The following PDZRN4 variants were observed in gnomAD, a reference collection of about 807,000 sequenced individuals.
PDZRN4 encodes the protein PDZ domain-containing RING finger protein 4.
Under a neutral mutation model 99.0 loss-of-function variants are expected in PDZRN4, and 70 were observed. That is an observed-to-expected ratio of 0.71 (90% CI 0.58 to 0.86). The LOEUF is 0.86. Among genes scored for constraint, PDZRN4 ranks in the 40% least tolerant of loss-of-function variants. PDZRN4 has a pLI of 0.00. For synonymous variants in PDZRN4, 551 were observed against 501.6 expected (o/e 1.10, Z -1.32); for missense variants, 1,474 against 1,331.2 (o/e 1.11, Z -1.67).
intron 3 of PDZRN4, among the ~76,000 whole-genome samples, chr12:41,419,818 G>T (rs961264130): frequency 2.0e-5 from 3 of 152,172 alleles, no homozygotes. Flanking sequence ...AGCACATGCA[G>T]ACGCCTTATT....
At chr12:41,208,679 T>C (rs2120687040) in intron 3 of PDZRN4, among the ~76,000 whole-genome samples, 1 of 152,036 alleles carries the variant, frequency 6.6e-6, no homozygotes, top group East Asian at 1.9e-4. Context: ...AGCTTGAACC[T>C]CTAATCTGTA....
intron 3 of PDZRN4, among the ~76,000 whole-genome samples, chr12:41,259,074 C>A (rs549520836): frequency 6.6e-6 from 1 of 152,208 alleles, no homozygotes; most frequent in East Asian, 1.9e-4. Context: ...TAAATACACA[C>A]ATAAAAGACA....
intron 3 of PDZRN4, among the ~76,000 whole-genome samples, chr12:41,365,267 G>A (rs1455522009): frequency 6.6e-6 from 1 of 152,046 alleles, no homozygotes; most frequent in Non-Finnish European, 1.5e-5. Context: ...TGGACCTAAA[G>A]TTTCTAGCAA....
At chr12:41,435,533 A>C (rs2120451319) in intron 3 of PDZRN4, among the ~76,000 whole-genome samples, 1 of 152,330 alleles carries the variant, frequency 6.6e-6, no homozygotes, top group South Asian at 2.1e-4. Flanking sequence ...TCACGCCTGT[A>C]ATCCCAGCAC....
chr12:41,522,067 G>C (rs540422208), intron 5 of PDZRN4, among the ~76,000 whole-genome samples: 1 of 152,124 alleles, frequency 6.6e-6, no homozygotes, highest in South Asian at 2.1e-4. Context: ...TCCTTCCTTT[G>C]ACTTGTACAT....
intron 3 of PDZRN4, among the ~76,000 whole-genome samples, chr12:41,310,007 A>G (rs1164053896): frequency 1.3e-5 from 2 of 151,874 alleles, no homozygotes; most frequent in Non-Finnish European, 2.9e-5. Flanking sequence ...ATCTCAGCTC[A>G]CTGCAACCTC....
chr12:41,220,135 G>A (rs898765042), intron 3 of PDZRN4, among the ~76,000 whole-genome samples: 1 of 152,088 alleles, frequency 6.6e-6, no homozygotes, highest in Non-Finnish European at 1.5e-5. Context: ...TAGTTTGCTA[G>A]GGCTGCCATA....
intron 3 of PDZRN4, among the ~76,000 whole-genome samples, chr12:41,501,203 C>T (rs575703421): frequency 6.6e-6 from 1 of 152,240 alleles, no homozygotes; most frequent in South Asian, 2.1e-4. Context: ...CCTTATTTCT[C>T]ATAAGAGGCA....
chr12:41,232,822 T>C (rs566934587), intron 3 of PDZRN4, among the ~76,000 whole-genome samples: 25 of 151,942 alleles, frequency 1.6e-4, no homozygotes, highest in Admixed American at 3.9e-4. Flanking sequence ...TTTAAGTCTT[T>C]AATCCATCTT....
chr12:41,307,040 C>A (rs1951575919), intron 3 of PDZRN4, among the ~76,000 whole-genome samples: 1 of 152,108 alleles, frequency 6.6e-6, no homozygotes, highest in Non-Finnish European at 1.5e-5. Flanking sequence ...CCCTTTATGG[C>A]AACCCTGACA....
chr12:41,498,007 A>G (rs1329785862), intron 3 of PDZRN4, among the ~76,000 whole-genome samples: 1 of 152,084 alleles, frequency 6.6e-6, no homozygotes, highest in African/African-American at 2.4e-5. Flanking sequence ...GACATCAAAA[A>G]ATTATGAGAA....
At chr12:41,567,415 G>A (rs545781138) in intron 8 of PDZRN4, among the ~76,000 whole-genome samples, 2 of 152,148 alleles carry the variant, frequency 1.3e-5, no homozygotes, top group East Asian at 1.9e-4. Flanking sequence ...TTGTCTCATA[G>A]CCCAATTAGT....
chr12:41,352,511 C>T (rs1289343583), intron 3 of PDZRN4, among the ~76,000 whole-genome samples: 2 of 152,038 alleles, frequency 1.3e-5, no homozygotes, highest in Non-Finnish European at 2.9e-5. Context: ...AATTCTTTCA[C>T]TCTATGTATT....
intron 3 of PDZRN4, among the ~76,000 whole-genome samples, chr12:41,465,295 T>G (rs1952913852): frequency 6.6e-6 from 1 of 152,204 alleles, no homozygotes; most frequent in African/African-American, 2.4e-5. Context: ...TGGACAAATA[T>G]GGAAGAGAAA....
At chr12:41,487,594 C>T (rs894852560) in intron 3 of PDZRN4, among the ~76,000 whole-genome samples, 16 of 152,136 alleles carry the variant, frequency 1.1e-4, no homozygotes, top group African/African-American at 3.4e-4. Flanking sequence ...TAAAAATTAG[C>T]TAATTATGCA....
intron 3 of PDZRN4, among the ~76,000 whole-genome samples, chr12:41,235,608 C>T (rs1231989791): frequency 6.6e-6 from 1 of 152,000 alleles, no homozygotes; most frequent in Non-Finnish European, 1.5e-5. Flanking sequence ...AAATGCTAGA[C>T]CTTATGTTTT....
At chr12:41,342,041 A>T (rs1951822297) in intron 3 of PDZRN4, among the ~76,000 whole-genome samples, 1 of 151,916 alleles carries the variant, frequency 6.6e-6, no homozygotes, top group Non-Finnish European at 1.5e-5. Flanking sequence ...CCAGAAAAAA[A>T]TTTACACACT....
intron 3 of PDZRN4, among the ~76,000 whole-genome samples, chr12:41,395,363 TG>T (rs1175345327): frequency 6.6e-6 from 1 of 152,196 alleles, no homozygotes; most frequent in Non-Finnish European, 1.5e-5. Flanking sequence ...AAGGAGTCAC[TG>T]GTCCATAGCA....
chr12:41,368,113 A>G (rs1195474027), intron 3 of PDZRN4, among the ~76,000 whole-genome samples: 1 of 151,998 alleles, frequency 6.6e-6, no homozygotes, highest in Non-Finnish European at 1.5e-5. Context: ...CTACTTTTAA[A>G]ATCAAAGTAG....
Sources: gnomAD v4.1 joint callset for allele counts (sites outside exome capture counted in the v4.1 genomes callset) on GRCh38, gnomAD v4.1.1 for gene constraint, MANE v1.5 for transcripts, NCBI Gene and HGNC (gene_info 2026-07-23, HGNC 2026-07-21) for gene names.